The following SYTL2 variants were observed in gnomAD, a reference collection of about 807,000 sequenced individuals.
SYTL2 encodes synaptotagmin like 2, also known as synaptotagmin-like protein 2.
SYTL2 carries 165 observed loss-of-function variants against 198.7 expected under a neutral mutation model. The observed-to-expected ratio is 0.83, with a 90% CI of 0.73 to 0.94. SYTL2 has a LOEUF of 0.94. Ranked by LOEUF, SYTL2 falls within the 40% of genes least tolerant of loss-of-function variation. The probability of loss-of-function intolerance (pLI) is 0.00; values close to 1 mark genes in which losing one functional copy is unlikely to be tolerated. For missense variants in SYTL2, 2,835 were observed against 2,582.8 expected (o/e 1.10, Z -2.12); for synonymous variants, 966 against 917.7 (o/e 1.05, Z -0.95).
chr11:85,726,317 G>A lies in SYTL2; in HGVS notation c.3041C>T (p.Pro1014Leu). The A allele has an allele frequency of 6.2e-7, 1 of 1,613,956 alleles. No individual in the cohort carries two copies. The change falls in exon 8 of 20, where the codon CCT becomes CTT. Residue 1014 changes from proline to leucine, a missense_variant. Physicochemically the swap from Pro to Leu is moderately conservative, Grantham distance 98 (BLOSUM62 -3). Transcript: ENST00000359152. ...ITTTSQKNSA[P>L]FNRQKHKEFS... ...TTCCTTGTGTTTCTGCCTATTAAAAGGTGCAGAATTTTTTTGGCTTGTGGT... is the reference window on the plus strand; with the variant it reads ...TTCCTTGTGTTTCTGCCTATTAAAAAGTGCAGAATTTTTTTGGCTTGTGGT...
chr11:85,730,468 C>T (rs1428321016), intron 7 of SYTL2, among the ~76,000 whole-genome samples: 2 of 152,194 alleles, frequency 1.3e-5, no homozygotes, highest in Admixed American at 6.5e-5. Flanking sequence ...TAATCCATCA[C>T]GTAAACAGAA....
In SYTL2 at chr11:85,726,691, T is replaced by C; in HGVS notation, c.2667A>G (p.Arg889=). ...CTGATTGCTCAGCTGAAAGATAGTA[T>C]CTGGATGGACCTGCTATTTGTGGCT... ...ETKPQIAGPS[R]YYLSAEQSDK... is the part of the protein sequence containing the mutation. The change falls in exon 8 of 20, where the codon AGA becomes AGG. Residue 889 remains arginine (R), a synonymous_variant. Coordinates refer to ENST00000359152, the MANE Select transcript of SYTL2 (RefSeq NM_206927.4). 6.5e-7 allele frequency: 1 copy of C among 1,536,380 alleles called. No homozygotes were observed. The highest frequency in any genetic ancestry group is 2.4e-5 in the East Asian group (1 of 40,922).
chr11:85,851,072 T>C, the SYTL2 span, among the ~76,000 whole-genome samples: 1 of 151,106 alleles, frequency 6.6e-6, no homozygotes, highest in Admixed American at 6.6e-5. Flanking sequence ...ACATACCTAA[T>C]GCTAGATGAC....
At position 85,727,473 on chromosome 11, in the gene SYTL2, C is replaced by A. The variant is rs1242432667; in HGVS notation, c.1885G>T (p.Gly629Cys). The A allele has an allele frequency of 6.5e-7, 1 of 1,536,056 alleles. No homozygotes were observed. Among genetic ancestry groups the A allele is most frequent in the East Asian group, 2.4e-5 (1 of 40,920 alleles). The change falls in exon 8 of 20, where the codon GGT becomes TGT. Residue 629 changes from glycine (G) to cysteine (C), a missense_variant. Gly to Cys is a radical substitution (Grantham distance 159). This residue lies in a region of SYTL2 where 2,645 missense variants were observed against 2,381.7 expected (regional missense o/e 1.11). Coordinates refer to ENST00000359152, the MANE Select transcript of SYTL2 (RefSeq NM_206927.4). ...SQKGTPKEGP[G>C]ILQPFESYGT... ...TAGCTTTCAAATGGTTGCAATATACCTGGGCCTTCCTTTGGGGTGCCTTTT... is the reference window on the plus strand; with the variant it reads ...TAGCTTTCAAATGGTTGCAATATACATGGGCCTTCCTTTGGGGTGCCTTTT...
intron 1 of SYTL2, among the ~76,000 whole-genome samples, chr11:85,785,835 A>G (rs569650563): frequency 5.8e-4 from 88 of 152,342 alleles, no homozygotes; most frequent in African/African-American, 1.9e-3. Flanking sequence ...ATACCTGTTG[A>G]ATGAGTGCTA....
chr11:85,747,862 A>T (rs1453359601), intron 3 of SYTL2, among the ~76,000 whole-genome samples: 2 of 152,230 alleles, frequency 1.3e-5, no homozygotes, highest in Non-Finnish European at 2.9e-5. Context: ...CTCTTAAATA[A>T]TGTACTTGGT....
rs755478129 is a variant in SYTL2, at chr11:85,697,997, AGATGACTT to A, written c.6342_6349del (p.Ser2115LysfsTer5). On this transcript the variant is annotated frameshift_variant, in exon 18 of 20. Transcript: ENST00000359152. LOFTEE classifies it high-confidence loss of function. ...CTATTACCATTTAACAAAAGAATTT[AGATGACTT>A]CCCCTTAGCAGTGGTAGATCAAGGC... 4.8e-5 allele frequency: 78 copies of A among 1,611,792 alleles called. No individual in the cohort carries two copies. Among genetic ancestry groups the A allele is most frequent in the Non-Finnish European group, 6.3e-5 (74 of 1,177,890 alleles).
intron 1 of SYTL2, among the ~76,000 whole-genome samples, chr11:85,775,406 A>G (rs2092435094): frequency 6.6e-6 from 1 of 152,190 alleles, no homozygotes; most frequent in South Asian, 2.1e-4. Flanking sequence ...ACTGTACTGT[A>G]GCACACGTAC....
chr11:85,727,765 A>G lies in SYTL2; in HGVS notation c.1593T>C (p.Tyr531=), dbSNP rs12294906. 4,474 of 1,567,558 alleles carry G rather than the reference A, an allele frequency of 2.9e-3. 53 individuals carry two copies. The African/African-American group carries it at 0.029, about 10-fold the overall frequency. The change falls in exon 8 of 20, where the codon TAT becomes TAC. Residue 531 remains tyrosine (Y), a synonymous_variant. Transcript: ENST00000359152. ...KVLDWFNRSS[Y]SDDNKSFLQH... is the part of the protein sequence containing the mutation. ...GGAGGAATGACTTATTGTCATCTGA[A>G]TAAGAACTTCGGTTAAACCAGTCTA...
Position 85,737,650 on chromosome 11 carries a change from A to G in SYTL2, c.396T>C (p.Ser132=), listed in dbSNP as rs760328650. Residue 132 remains serine, a synonymous_variant, in exon 5 of 20, where the codon AGT becomes AGC. Transcript: ENST00000359152. ...TCACACTGGAAGCTGGATTTACCAC[A>G]CTGGAACTGCAAAAGAAACAATAAT... ...EDAAPASPSS[S]VVNPASSVID... is the part of the protein sequence containing the mutation. 7.4e-6 allele frequency: 12 copies of G among 1,612,884 alleles called. No homozygotes were observed. The highest frequency in any genetic ancestry group is 1.0e-5 in the Non-Finnish European group (12 of 1,179,022).
Position 85,694,407 on chromosome 11 carries a change from G to C in SYTL2, c.*788C>G, listed in dbSNP as rs2083153081. ...TAATTAAAACTTTGTTGCAAAACAT[G>C]TTTGTGACTACTCTTATGCTGCTTT... On this transcript the variant is annotated 3_prime_UTR_variant, in exon 20 of 20. Coordinates refer to ENST00000359152, the MANE Select transcript of SYTL2 (RefSeq NM_206927.4). 6.6e-6 allele frequency: 1 copy of C among 152,162 alleles called. No individual in the cohort carries two copies. Among genetic ancestry groups the C allele is most frequent in the Non-Finnish European group, 1.5e-5 (1 of 68,032 alleles). 9.4% of individuals were successfully genotyped at this position (152,162 alleles called of 1,614,324 possible).
At chr11:85,722,494 C>T (rs188598269) in intron 8 of SYTL2, among the ~76,000 whole-genome samples, 2 of 152,060 alleles carry the variant, frequency 1.3e-5, no homozygotes, top group Admixed American at 1.3e-4. Context: ...TTTAACGCTG[C>T]CTTTTTAGAT....
At chr11:85,831,971 T>G in the SYTL2 span, among the ~76,000 whole-genome samples, 1 of 152,230 alleles carries the variant, frequency 6.6e-6, no homozygotes, top group Non-Finnish European at 1.5e-5. Flanking sequence ...GTTTTAAGTC[T>G]GTATCACTTT....
At chr11:85,810,342 AAGAG>A (rs1240816251) in intron 1 of SYTL2, among the ~76,000 whole-genome samples, 1 of 152,112 alleles carries the variant, frequency 6.6e-6, no homozygotes, top group East Asian at 1.9e-4. Context: ...GGTGCAGAGA[AAGAG>A]AGACCCACTT....
At chr11:85,836,086 A>G in the SYTL2 span, among the ~76,000 whole-genome samples, 1 of 152,156 alleles carries the variant, frequency 6.6e-6, no homozygotes, top group African/African-American at 2.4e-5. Context: ...GAGATGGGGA[A>G]GAGGTCCTTT....
intron 2 of SYTL2, among the ~76,000 whole-genome samples, chr11:85,751,591 G>A (rs1037992268): frequency 6.6e-6 from 1 of 152,158 alleles, no homozygotes; most frequent in African/African-American, 2.4e-5. Context: ...GTGGGCAGAA[G>A]TGAGGGCTGA....
chr11:85,707,091 C>T (rs1278886499), intron 15 of SYTL2, among the ~76,000 whole-genome samples: 1 of 152,158 alleles, frequency 6.6e-6, no homozygotes, highest in African/African-American at 2.4e-5. Flanking sequence ...CCACCCACCT[C>T]GGCCTCCCAA....
At chr11:85,833,900 G>A in the SYTL2 span, among the ~76,000 whole-genome samples, 24 of 151,722 alleles carry the variant, frequency 1.6e-4, no homozygotes, top group East Asian at 7.8e-4. Flanking sequence ...CACCATGCCC[G>A]GCTAATTTTT....
chr11:85,764,416 A>C (rs766586494), intron 1 of SYTL2, among the ~76,000 whole-genome samples: 4 of 152,200 alleles, frequency 2.6e-5, no homozygotes, highest in Non-Finnish European at 5.9e-5. Context: ...GCTCAAGTTA[A>C]ATAACTTGCC....
Sources: allele counts gnomAD v4.1 joint callset (sites outside exome capture counted in the v4.1 genomes callset), GRCh38; gene constraint gnomAD v4.1.1; regional missense constraint gnomAD v4.1.1; transcripts MANE v1.5; gene names NCBI Gene and HGNC (gene_info 2026-07-23, HGNC 2026-07-21).